Variants in FGF13 observed in about 807,000 individuals in gnomAD.
The protein encoded by FGF13 is fibroblast growth factor homologous factor 2.
Under a neutral mutation model 19.5 loss-of-function variants are expected in FGF13, and 2 were observed. The ratio of observed to expected loss-of-function variants is 0.10; its 90% CI spans 0.04 to 0.32. The LOEUF (loss-of-function observed/expected upper bound fraction) is 0.32. Among genes scored for constraint, FGF13 ranks in the 10% least tolerant of loss-of-function variants. The probability of loss-of-function intolerance (pLI) is 1.00; values close to 1 mark genes in which losing one functional copy is unlikely to be tolerated. For synonymous variants in FGF13, 72 were observed against 76.9 expected (o/e 0.94, Z 0.33); for missense variants, 113 against 192.7 (o/e 0.59, Z 2.45).
intron 3 of FGF13, among the ~76,000 whole-genome samples, chrX:138,671,721 T>C (rs1168218870): frequency 9.0e-6 from 1 of 111,394 alleles, no homozygotes; most frequent in East Asian, 2.8e-4. Flanking sequence ...CTACTGTGCA[T>C]ACACAAACAA....
chrX:139,019,266 T>C lies in FGF13; in HGVS notation c.-112-154616A>G, dbSNP rs184270434. The stretch of plus-strand genomic sequence containing the variant: ...CACTATTTTGCTTTGTGAAATGAAA[T>C]GATTCAACGTATACTTTGGATGTAT... On this transcript the variant is annotated intron_variant, in intron 1 of 2. Transcript: ENST00000421460. Among the ~76,000 whole-genome samples, 6 of 111,499 alleles carry C rather than the reference T, an allele frequency of 5.4e-5. No homozygotes were observed. In the East Asian group the frequency reaches 1.7e-3, roughly 32 times the overall value.
At chrX:139,142,557 C>T (rs929773904) in intron 1 of FGF13, among the ~76,000 whole-genome samples, 3 of 111,260 alleles carry the variant, frequency 2.7e-5, no homozygotes, top group African/African-American at 9.8e-5. Flanking sequence ...TTTCTGGGTA[C>T]AATGTAATGG....
intron 1 of FGF13, among the ~76,000 whole-genome samples, chrX:138,725,949 A>G (rs1461956091): frequency 9.0e-6 from 1 of 111,062 alleles, no homozygotes; most frequent in African/African-American, 3.3e-5. Context: ...TGTCATTGCC[A>G]TTTTTCAAAC....
At chrX:139,196,764 T>C (rs2148281145) in intron 1 of FGF13, among the ~76,000 whole-genome samples, 1 of 112,184 alleles carries the variant, frequency 8.9e-6, no homozygotes, top group East Asian at 2.8e-4. Flanking sequence ...CTCGGTCTGT[T>C]TCTTCATCTG....
intron 3 of FGF13, among the ~76,000 whole-genome samples, chrX:138,809,381 G>A (rs1011161076): frequency 1.8e-5 from 2 of 111,552 alleles, no homozygotes; most frequent in Non-Finnish European, 3.8e-5. Context: ...AAAGGCCTTC[G>A]ACAAAATTCT....
intron 1 of FGF13, among the ~76,000 whole-genome samples, chrX:138,992,332 T>G (rs921713436): frequency 8.9e-6 from 1 of 111,930 alleles, no homozygotes; most frequent in East Asian, 2.8e-4. Flanking sequence ...TTTAGTTTCA[T>G]GTAGTCTAAT....
chrX:139,104,882 C>T (rs999787956), intron 1 of FGF13, among the ~76,000 whole-genome samples: 19 of 111,320 alleles, frequency 1.7e-4, no homozygotes, highest in African/African-American at 6.2e-4. Context: ...TAGATTTTAA[C>T]ATATGAATTT....
At position 139,108,689 on chromosome X, in the gene FGF13, T is replaced by C. The variant is rs780948350; in HGVS notation, c.-113+94727A>G. Among the ~76,000 whole-genome samples the C allele has an allele frequency of 3.3e-3, 368 of 111,094 alleles. 1 individual carries two copies. Among genetic ancestry groups the C allele is most frequent in the African/African-American group, 0.011 (347 of 30,525 alleles). On this transcript the variant is annotated intron_variant, in intron 1 of 2. Transcript: ENST00000421460. ...ATTTTTTTTAATTTTAACTTTTATT[T>C]TAAGTTCTGGGGTACATGAGCAGGA...
At chrX:138,838,813 C>T (rs2091130157) in intron 3 of FGF13, among the ~76,000 whole-genome samples, 1 of 111,454 alleles carries the variant, frequency 9.0e-6, no homozygotes, top group African/African-American at 3.3e-5. Context: ...ATTTGCCTCC[C>T]TGAGTCTCAC....
At chrX:138,724,630 G>A (rs1485166045) in intron 1 of FGF13, among the ~76,000 whole-genome samples, 3 of 111,936 alleles carry the variant, frequency 2.7e-5, no homozygotes, top group East Asian at 2.8e-4. Context: ...TAAACTAGGC[G>A]AATTGCTGGA....
At position 139,105,012 on chromosome X, in the gene FGF13, G is replaced by GTT. The variant is rs199795206; in HGVS notation, c.-113+98402_-113+98403dup. ...CTTTATAATTTTCCATTTCTTTCAA[G>GTT]TTTTTTTTTTCATTTTAAAATCGTT... is the stretch of plus-strand genomic sequence containing the variant. On this transcript the variant is annotated intron_variant, in intron 1 of 2. Transcript: ENST00000421460. Among the ~76,000 whole-genome samples, 442 of 106,746 alleles carry GTT rather than the reference G, an allele frequency of 4.1e-3. 3 individuals carry two copies. Among genetic ancestry groups the GTT allele is most frequent in the African/African-American group, 0.014 (414 of 29,420 alleles). 92.7% of individuals were successfully genotyped at this position (106,746 alleles called of 115,157 possible). A position where few individuals can be genotyped will look rare whatever the true frequency, so the allele number is the denominator to read the frequency against.
intron 3 of FGF13, among the ~76,000 whole-genome samples, chrX:138,814,123 T>G (rs2124045043): frequency 9.0e-6 from 1 of 110,927 alleles, no homozygotes; most frequent in African/African-American, 3.3e-5. Context: ...TTTCTTGTTT[T>G]TTGATAGGAT....
intron 3 of FGF13, among the ~76,000 whole-genome samples, chrX:138,762,317 T>C (rs1035515534): frequency 3.6e-5 from 4 of 111,431 alleles, no homozygotes; most frequent in African/African-American, 1.3e-4. Flanking sequence ...AGCCGTTAAC[T>C]CCACTGAAAT....
At chrX:139,072,388 T>TG (rs1288010836) in intron 1 of FGF13, among the ~76,000 whole-genome samples, 1 of 111,304 alleles carries the variant, frequency 9.0e-6, no homozygotes, top group East Asian at 2.8e-4. Flanking sequence ...ACACCCTCTC[T>TG]GATGGCACCT....
intron 1 of FGF13, among the ~76,000 whole-genome samples, chrX:139,028,582 C>CGCGTGTGT (rs1556339267): frequency 8.1e-5 from 5 of 61,605 alleles, no homozygotes; most frequent in Non-Finnish European, 1.6e-4. Flanking sequence ...GGAGAGAGAG[C>CGCGTGTGT]GTGTGTGTGT....
In FGF13 at chrX:138,921,986, A is replaced by AAAC. The variant is rs1411195817; in HGVS notation, c.-112-57339_-112-57337dup. ...TTATGGAACTCAAAAAAAAAAAAAA[A>AAAC]AACAACAAAACAACAACAACAAAAA... On this transcript the variant is annotated intron_variant, in intron 1 of 2. Coordinates refer to the FGF13 transcript ENST00000421460. Among the ~76,000 whole-genome samples the AAAC allele has an allele frequency of 2.7e-4, 29 of 107,636 alleles. 1 individual carries two copies. Among genetic ancestry groups the AAAC allele is most frequent in the South Asian group, 4.0e-4 (1 of 2,470 alleles). 93.5% of individuals were successfully genotyped at this position (107,636 alleles called of 115,157 possible).
At chrX:138,934,511 T>A (rs1777581407) in intron 1 of FGF13, among the ~76,000 whole-genome samples, 1 of 112,714 alleles carries the variant, frequency 8.9e-6, no homozygotes, top group African/African-American at 3.2e-5. Context: ...ATTTGGCATC[T>A]TGTCTAACAT....
At chrX:139,092,519 T>C (rs1159347224) in intron 1 of FGF13, among the ~76,000 whole-genome samples, 3 of 112,389 alleles carry the variant, frequency 2.7e-5, no homozygotes, top group African/African-American at 9.7e-5. Flanking sequence ...TCCCATTGTC[T>C]GTGACCACTG....
chrX:138,903,370 C>T, intron 1 of FGF13, among the ~76,000 whole-genome samples: 1 of 111,648 alleles, frequency 9.0e-6, no homozygotes, highest in Middle Eastern at 4.6e-3. Flanking sequence ...AGCATCTCTA[C>T]CACATTGCAG....
Sources: gnomAD v4.1 joint callset for allele counts (sites outside exome capture counted in the v4.1 genomes callset) on GRCh38, gnomAD v4.1.1 for gene constraint, MANE v1.5 for transcripts, NCBI Gene and HGNC (gene_info 2026-07-23, HGNC 2026-07-21) for gene names.